The following TOP6BL variants were observed in gnomAD, a reference collection of about 807,000 sequenced individuals.
TOP6BL encodes the protein type 2 DNA topoisomerase 6 subunit B-like.
the TOP6BL span, among the ~76,000 whole-genome samples, chr11:66,842,579 A>T: frequency 6.6e-6 from 1 of 152,106 alleles, no homozygotes; most frequent in Non-Finnish European, 1.5e-5. Flanking sequence ...TCTATACAGA[A>T]AGTTACTGAG....
the TOP6BL span, among the ~76,000 whole-genome samples, chr11:66,826,708 G>GTT: frequency 6.6e-6 from 1 of 151,902 alleles, no homozygotes; most frequent in African/African-American, 2.4e-5. Flanking sequence ...TTGAGACAGA[G>GTT]TTTCGCTCTT....
At chr11:66,761,974 C>T in the TOP6BL span, 41 of 1,566,426 alleles carry the variant, frequency 2.6e-5, no homozygotes, top group Non-Finnish European at 3.3e-5. Flanking sequence ...GAGGGTTCCT[C>T]CTCACCATCA....
chr11:66,833,963 T>G, the TOP6BL span, among the ~76,000 whole-genome samples: 1 of 151,472 alleles, frequency 6.6e-6, no homozygotes, highest in South Asian at 2.1e-4. Context: ...AAAAAAAAGA[T>G]CTGACCTCTT....
the TOP6BL span, among the ~76,000 whole-genome samples, chr11:66,756,996 C>T: frequency 3.3e-5 from 5 of 150,838 alleles, no homozygotes; most frequent in Non-Finnish European, 5.9e-5. Context: ...CAGGTGTGAA[C>T]CACCATGCCT....
At chr11:66,759,997 A>G in the TOP6BL span, among the ~76,000 whole-genome samples, 25 of 152,202 alleles carry the variant, frequency 1.6e-4, no homozygotes, top group Non-Finnish European at 3.5e-4. Context: ...TTTATTTCTT[A>G]TGGTTGTTTG....
the TOP6BL span, chr11:66,843,366 C>T: frequency 2.1e-6 from 3 of 1,441,844 alleles, no homozygotes; most frequent in Non-Finnish European, 1.8e-6. Context: ...CCGGGCGGGG[C>T]GGGGCGGGGC....
the TOP6BL span, among the ~76,000 whole-genome samples, chr11:66,755,121 ATTT>A: frequency 7.1e-6 from 1 of 140,738 alleles, no homozygotes; most frequent in Admixed American, 7.2e-5. Flanking sequence ...TAGTTTCTAG[ATTT>A]TTTTTTTTTT....
chr11:66,773,116 C>T, the TOP6BL span, among the ~76,000 whole-genome samples: 1 of 152,102 alleles, frequency 6.6e-6, no homozygotes, highest in Non-Finnish European at 1.5e-5. Flanking sequence ...GTCGCCCAGG[C>T]TGGAGTATGG....
chr11:66,773,228 A>AT, the TOP6BL span, among the ~76,000 whole-genome samples: 288 of 151,152 alleles, frequency 1.9e-3, 1 homozygote, highest in African/African-American at 6.4e-3. Flanking sequence ...CCTGGTTTGT[A>AT]TTTTTTGTAG....
the TOP6BL span, among the ~76,000 whole-genome samples, chr11:66,749,927 TA>T: frequency 1.3e-5 from 2 of 152,110 alleles, no homozygotes; most frequent in East Asian, 3.8e-4. Context: ...ACATGCTTGA[TA>T]AAAAACATTA....
the TOP6BL span, among the ~76,000 whole-genome samples, chr11:66,834,627 A>ATATATT: frequency 6.6e-6 from 1 of 152,194 alleles, no homozygotes; most frequent in African/African-American, 2.4e-5. Flanking sequence ...TTCAGAGTGA[A>ATATATT]CATATTCAGG....
chr11:66,756,069 A>G, the TOP6BL span, among the ~76,000 whole-genome samples: 1 of 152,236 alleles, frequency 6.6e-6, no homozygotes, highest in Non-Finnish European at 1.5e-5. Flanking sequence ...TGATTCATCT[A>G]TCAGAAGCCA....
At chr11:66,795,324 C>CA in the TOP6BL span, among the ~76,000 whole-genome samples, 4 of 137,680 alleles carry the variant, frequency 2.9e-5, no homozygotes, top group Admixed American at 3.0e-4. Context: ...TTTTTCGAGA[C>CA]AGAGTCTAGC....
At chr11:66,832,464 G>C in the TOP6BL span, among the ~76,000 whole-genome samples, 6 of 152,186 alleles carry the variant, frequency 3.9e-5, no homozygotes, top group Non-Finnish European at 8.8e-5. Flanking sequence ...TCTGCCCCTT[G>C]TACTTCTGCT....
the TOP6BL span, chr11:66,759,126 G>GA: frequency 7.3e-7 from 1 of 1,379,176 alleles, no homozygotes; most frequent in African/African-American, 1.4e-5. Context: ...CCATGAGACT[G>GA]AATATCTTCC....
chr11:66,785,998 A>G, the TOP6BL span, among the ~76,000 whole-genome samples: 7 of 152,162 alleles, frequency 4.6e-5, no homozygotes, highest in Non-Finnish European at 1.0e-4. Flanking sequence ...TTTCTGGTCT[A>G]TAAAGATTTC....
chr11:66,836,564 T>C, the TOP6BL span, among the ~76,000 whole-genome samples: 1 of 149,660 alleles, frequency 6.7e-6, no homozygotes, highest in East Asian at 2.1e-4. Flanking sequence ...GAGAGTTCTT[T>C]ACCTTGGGCC....
At chr11:66,804,697 G>T in the TOP6BL span, among the ~76,000 whole-genome samples, 1 of 152,178 alleles carries the variant, frequency 6.6e-6, no homozygotes, top group Non-Finnish European at 1.5e-5. Context: ...CAGCACTTTG[G>T]CAGGCCGAGG....
the TOP6BL span, chr11:66,762,245 C>T: frequency 5.4e-6 from 3 of 560,444 alleles, no homozygotes; most frequent in South Asian, 5.6e-5. Context: ...GGCCCGGCCG[C>T]AGAACACGCG....
Sources: allele counts gnomAD v4.1 joint callset (sites outside exome capture counted in the v4.1 genomes callset), GRCh38; gene constraint gnomAD v4.1.1; transcripts MANE v1.5; gene names NCBI Gene and HGNC (gene_info 2026-07-23, HGNC 2026-07-21).